The following TFRC variants were observed in gnomAD, a reference collection of about 807,000 sequenced individuals.
TFRC encodes the protein transferrin receptor protein 1.
TFRC carries 35 observed loss-of-function variants against 85.8 expected under a neutral mutation model. The ratio of observed to expected loss-of-function variants is 0.41; its 90% confidence interval spans 0.31 to 0.54. The LOEUF is 0.54. Among genes scored for constraint, TFRC ranks in the 20% least tolerant of loss-of-function variants. The pLI is 0.31. For missense variants in TFRC, 828 were observed against 921.5 expected (o/e 0.90, Z 1.31); for synonymous variants, 362 against 328.6 (o/e 1.10, Z -1.10).
chr3:196,063,033 T>G lies in TFRC; in HGVS notation c.1319-94A>C, dbSNP rs1717415470. On this transcript the variant is annotated intron_variant, in intron 11 of 18. Coordinates refer to ENST00000360110, the MANE Select transcript of TFRC (RefSeq NM_001128148.3). The stretch of plus-strand genomic sequence containing the variant: ...CTTAAGATGAATCAGAAGGTCTAAT[T>G]CCAAGATAGCAGATTCCAAAATCTT... 2.2e-6 allele frequency: 2 copies of G among 923,306 alleles called. 1 individual carries two copies. The highest frequency in any genetic ancestry group is 3.3e-6 in the Non-Finnish European group (2 of 612,730). 57.2% of individuals were successfully genotyped at this position (923,306 alleles called of 1,614,324 possible). A position where few individuals can be genotyped will look rare whatever the true frequency, so the allele number is the denominator to read the frequency against.
intron 14 of TFRC, 42 bp from the exon 15 acceptor site, chr3:196,058,674 CTTAT>C (rs1717023326): frequency 1.4e-6 from 2 of 1,462,792 alleles, no homozygotes; most frequent in African/African-American, 1.4e-5. Context: ...CCTTTTGGAA[CTTAT>C]TTATTCAGGC....
Position 196,064,330 on chromosome 3 carries a change from A to C in TFRC, c.1297T>G (p.Phe433Val), listed in dbSNP as rs1193057366. Residue 433 changes from phenylalanine (F) to valine (V), a missense_variant, in exon 11 of 19, where the codon TTC becomes GTC. Physicochemically the swap from Phe to Val is conservative, Grantham distance 50. Transcript: ENST00000360110. ...CTACCTTTTAAGACCATATCTGAGA[A>C]CATCTGGGCAAGTTTCAATAGGAGA... ...TALLLKLAQMFSDMVLKDGFQ... is the reference protein window; with the variant it reads ...TALLLKLAQMVSDMVLKDGFQ... The C allele has an allele frequency of 6.2e-7, 1 of 1,612,086 alleles. No individual in the cohort carries two copies. Among genetic ancestry groups the C allele is most frequent in the Non-Finnish European group, 8.5e-7 (1 of 1,179,462 alleles).
rs1717372940 is a variant in TFRC, at chr3:196,062,577, C to T, written c.1468+5G>A. ...TCATACACAGCTAATGAAAGGGATACTTACCAAGAACCGCTTTATCCAGAT... is the reference window on the plus strand; with the variant it reads ...TCATACACAGCTAATGAAAGGGATATTTACCAAGAACCGCTTTATCCAGAT... On this transcript the variant is annotated splice_donor_5th_base_variant and intron_variant, in intron 13 of 18. Coordinates refer to ENST00000360110, the MANE Select transcript of TFRC (RefSeq NM_001128148.3). 7 of 1,606,530 alleles carry T rather than the reference C, an allele frequency of 4.4e-6. No homozygotes were observed. In the South Asian group the frequency reaches 5.6e-5, roughly 13 times the overall value.
intron 15 of TFRC, 57 bp from the exon 16 acceptor site, chr3:196,058,422 C>T (rs1488714081): frequency 2.4e-5 from 37 of 1,535,738 alleles, no homozygotes; most frequent in Non-Finnish European, 3.2e-5. Context: ...ACTGTTCTAT[C>T]GTGCTAGTCC....
rs769366579 is a variant in TFRC at position 196,060,205 on chromosome 3, G to A, written c.1511C>T (p.Thr504Met). The change falls in exon 14 of 19, where the codon ACG (threonine) becomes ATG (methionine). Residue 504 changes from threonine (T) to methionine (M), a missense_variant. Physicochemically the swap from Thr to Met is moderately conservative, Grantham distance 81. Transcript: ENST00000360110. ...ATTTTGCATTGTTTTCTCAATAAGC[G>A]TATACAACAGTGGGCTGGCAGAAAC... ...FKVSASPLLY[T>M]LIEKTMQNVK... is the part of the protein sequence containing the mutation. 25 of 1,613,700 alleles carry A rather than the reference G, an allele frequency of 1.5e-5. No homozygotes were observed. Among genetic ancestry groups the A allele is most frequent in the South Asian group, 4.4e-5 (4 of 91,064 alleles).
intron 10 of TFRC, among the ~76,000 whole-genome samples, chr3:196,064,728 G>A (rs1022078382): frequency 4.6e-5 from 7 of 152,174 alleles, no homozygotes; most frequent in Non-Finnish European, 1.0e-4. Context: ...TAACTCCAGG[G>A]ACTGGCAAAC....
At position 196,072,096 on chromosome 3, in the gene TFRC, T is replaced by C. The variant is rs759531099; in HGVS notation, c.491A>G (p.Asn164Ser). ...TTGATTTTCAACATACAACGCAAGA[T>C]TTTCATCTTTTTGAGATCCAGCCTC... ...PREAGSQKDE[N>S]LALYVENQFR... Residue 164 changes from asparagine (N) to serine (S), a missense_variant, in exon 5 of 19, where the codon AAT becomes AGT. Asn to Ser is a conservative substitution (Grantham distance 46). Transcript: ENST00000360110. The C allele has an allele frequency of 1.1e-5, 17 of 1,614,186 alleles. No individual in the cohort carries two copies. The highest frequency in any genetic ancestry group is 1.7e-5 in the Admixed American group (1 of 60,016).
At chr3:196,056,304 T>C (rs1219684009) in intron 16 of TFRC, among the ~76,000 whole-genome samples, 4 of 152,092 alleles carry the variant, frequency 2.6e-5, no homozygotes, top group African/African-American at 7.2e-5. Context: ...GCCGGAATTA[T>C]AGGTGTGAGT....
intron 1 of TFRC, among the ~76,000 whole-genome samples, chr3:196,077,432 G>A (rs1024117903): frequency 2.0e-5 from 3 of 151,352 alleles, no homozygotes; most frequent in East Asian, 2.0e-4. Context: ...TTATAAGTAC[G>A]AACCACTATG....
rs757372358 is a variant in TFRC at position 196,052,096 on chromosome 3, G to A, written c.2129C>T (p.Pro710Leu). Reference sequence around the variant, plus strand: ...CAGTTTCAAGTTCTCCAGTAAAGCTGGCAGCGTGTGAGAGCCGGAGCCCCA... The same window carrying A: ...CAGTTTCAAGTTCTCCAGTAAAGCTAGCAGCGTGTGAGAGCCGGAGCCCCA... ...VFWGSGSHTLPALLENLKLRK... is the reference protein window; with the variant it reads ...VFWGSGSHTLLALLENLKLRK... Residue 710 changes from proline (P) to leucine (L), a missense_variant, in exon 19 of 19, where the codon CCA becomes CTA. Coordinates refer to ENST00000360110, the MANE Select transcript of TFRC (RefSeq NM_001128148.3). The A allele has an allele frequency of 3.1e-6, 5 of 1,614,102 alleles. No individual in the cohort carries two copies. Among genetic ancestry groups the A allele is most frequent in the Non-Finnish European group, 4.2e-6 (5 of 1,180,030 alleles).
chr3:196,079,379 A>G (rs1718977294), intron 1 of TFRC, among the ~76,000 whole-genome samples: 1 of 152,038 alleles, frequency 6.6e-6, no homozygotes, highest in African/African-American at 2.4e-5. Context: ...TGGGAGGCCG[A>G]GGCGAGCAGA....
In TFRC at chr3:196,075,504, C is replaced by T. The variant is rs914814782; in HGVS notation, c.37-144G>A. The T allele has an allele frequency of 5.7e-5, 42 of 741,074 alleles. No individual in the cohort carries two copies. The Admixed American group carries it at 9.5e-4, about 17-fold the overall frequency. The allele number at this position is 741,074 out of a possible 1,614,324, so 45.9% of individuals were successfully genotyped here. ...TTCTCCTTTCAAACCAACATTCTTC[C>T]CTGGGCCCAGTCAAGGGCTAGTTCA... On this transcript the variant is annotated intron_variant, in intron 2 of 18. Transcript: ENST00000360110.
intron 9 of TFRC, among the ~76,000 whole-genome samples, chr3:196,065,821 C>T (rs556648569): frequency 6.6e-6 from 1 of 152,074 alleles, no homozygotes; most frequent in Admixed American, 6.5e-5. Flanking sequence ...GAAACCCCGA[C>T]TCTACTAAAA....
intron 7 of TFRC, among the ~76,000 whole-genome samples, chr3:196,068,829 G>A (rs867124537): frequency 3.3e-5 from 5 of 150,252 alleles, no homozygotes; most frequent in African/African-American, 9.8e-5. Context: ...TACTCAGAAG[G>A]CTGAGGCAGG....
intron 3 of TFRC, among the ~76,000 whole-genome samples, chr3:196,074,794 G>A (rs1436179491): frequency 6.7e-6 from 1 of 149,848 alleles, no homozygotes; most frequent in African/African-American, 2.5e-5. Flanking sequence ...CAGAAGAATC[G>A]CTTGAACCTG....
rs748628166 is a variant in TFRC at position 196,062,884 on chromosome 3, A to C, written c.1374T>G (p.Phe458Leu). ...IIFASWSAGD[F>L]GSVGATEWLE... ...GCCATTCAGTGGCACCAACCGATCCAAAGTCTCCAGCACTCCAACTGGCAA... is the reference window on the plus strand; with the variant it reads ...GCCATTCAGTGGCACCAACCGATCCCAAGTCTCCAGCACTCCAACTGGCAA... The change falls in exon 12 of 19, where the codon TTT (phenylalanine) becomes TTG (leucine). Residue 458 changes from phenylalanine to leucine, a missense_variant. Transcript: ENST00000360110. 8.7e-6 allele frequency: 14 copies of C among 1,614,198 alleles called. No individual in the cohort carries two copies. Among genetic ancestry groups the C allele is most frequent in the Non-Finnish European group, 1.2e-5 (14 of 1,180,046 alleles).
Position 196,051,826 on chromosome 3 carries a change from G to A in TFRC, c.*116C>T, listed in dbSNP as rs1716332844. ...TAAAGACATCTAGTAGTACCAAGATGATGGGATGGAATTTTAACATCAGGT... is the reference window on the plus strand; with the variant it reads ...TAAAGACATCTAGTAGTACCAAGATAATGGGATGGAATTTTAACATCAGGT... On this transcript the variant is annotated 3_prime_UTR_variant, in exon 19 of 19. Transcript: ENST00000360110. 1.6e-6 allele frequency: 2 copies of A among 1,274,252 alleles called. No individual in the cohort carries two copies. The highest frequency in any genetic ancestry group is 2.2e-6 in the Non-Finnish European group (2 of 916,140). The allele number at this position is 1,274,252 out of a possible 1,614,324, so 78.9% of individuals were successfully genotyped here.
intron 1 of TFRC, among the ~76,000 whole-genome samples, chr3:196,078,962 C>T (rs1003746977): frequency 4.0e-5 from 6 of 151,838 alleles, no homozygotes; most frequent in Non-Finnish European, 7.4e-5. Flanking sequence ...TTAGTAGAGA[C>T]GGGATTTTAC....
Position 196,051,842 on chromosome 3 carries a change from A to T in TFRC, c.*100T>A. ...TACCAAGATGATGGGATGGAATTTT[A>T]ACATCAGGTTTTGTAGCCCTACTGA... On this transcript the variant is annotated 3_prime_UTR_variant, in exon 19 of 19. Transcript: ENST00000360110. 1.4e-6 allele frequency: 2 copies of T among 1,410,852 alleles called. No individual in the cohort carries two copies. Among genetic ancestry groups the T allele is most frequent in the Non-Finnish European group, 1.9e-6 (2 of 1,034,502 alleles). 87.4% of individuals were successfully genotyped at this position (1,410,852 alleles called of 1,614,324 possible).
Sources: gnomAD v4.1 joint callset for allele counts (sites outside exome capture counted in the v4.1 genomes callset) on GRCh38, gnomAD v4.1.1 for gene constraint, MANE v1.5 for transcripts, NCBI Gene and HGNC (gene_info 2026-07-23, HGNC 2026-07-21) for gene names.